The following KCNH1 variants were observed in gnomAD, a reference collection of about 807,000 sequenced individuals.
KCNH1 encodes voltage-gated delayed rectifier potassium channel KCNH1.
KCNH1 carries 27 observed loss-of-function variants against 69.2 expected under a neutral mutation model. That is an observed-to-expected ratio of 0.39 (90% CI 0.29 to 0.54). The LOEUF is 0.54. KCNH1 is among the 20% of genes least tolerant of loss of function. The probability of loss-of-function intolerance (pLI) is 0.68; values close to 1 mark genes in which losing one functional copy is unlikely to be tolerated. For missense variants in KCNH1, 798 were observed against 1,261.6 expected (o/e 0.63, Z 5.57); for synonymous variants, 456 against 487.7 (o/e 0.93, Z 0.86).
intron 9 of KCNH1, among the ~76,000 whole-genome samples, chr1:210,780,061 G>A (rs1683946971): frequency 6.6e-6 from 1 of 152,216 alleles, no homozygotes. Flanking sequence ...CTGAAGGTGG[G>A]TGGGTAGGGT....
intron 5 of KCNH1, among the ~76,000 whole-genome samples, 190 bp from the exon 6 acceptor site, chr1:211,019,446 T>C (rs1462195594): frequency 6.6e-6 from 1 of 152,202 alleles, no homozygotes; most frequent in Admixed American, 6.5e-5. Context: ...AAGAAACAAT[T>C]ACAAATTACT....
At chr1:210,937,224 C>T (rs1687789796) in intron 6 of KCNH1, among the ~76,000 whole-genome samples, 1 of 152,212 alleles carries the variant, frequency 6.6e-6, no homozygotes, top group Non-Finnish European at 1.5e-5. Context: ...AATCTACCTT[C>T]CCAAGGGTTA....
intron 6 of KCNH1, among the ~76,000 whole-genome samples, chr1:211,013,592 C>G (rs1187808733): frequency 2.0e-5 from 3 of 152,196 alleles, no homozygotes; most frequent in African/African-American, 7.2e-5. Context: ...AAGCACAAGC[C>G]CAGGAGTCAG....
intron 5 of KCNH1, among the ~76,000 whole-genome samples, chr1:211,031,547 C>T (rs55747858): frequency 0.019 from 2,882 of 152,194 alleles, 91 homozygotes; most frequent in African/African-American, 0.066. Flanking sequence ...TATCCATGAT[C>T]ATGATCATGA....
chr1:210,940,220 G>A (rs903111285), intron 6 of KCNH1, among the ~76,000 whole-genome samples: 3 of 152,112 alleles, frequency 2.0e-5, no homozygotes, highest in African/African-American at 4.8e-5. Flanking sequence ...GAAAACCTAG[G>A]ACAGGAAGAC....
At chr1:210,708,383 TG>T (rs1024009685) in intron 10 of KCNH1, among the ~76,000 whole-genome samples, 3 of 152,094 alleles carry the variant, frequency 2.0e-5, no homozygotes, top group African/African-American at 4.8e-5. Context: ...GAACATAGCA[TG>T]ATCTCTATTC....
At chr1:210,921,135 T>C (rs1574339674) in intron 6 of KCNH1, among the ~76,000 whole-genome samples, 1 of 152,182 alleles carries the variant, frequency 6.6e-6, no homozygotes, top group African/African-American at 2.4e-5. Flanking sequence ...CTAAGTCTTC[T>C]CCATACACTA....
At chr1:210,773,576 G>A (rs769385265) in intron 10 of KCNH1, among the ~76,000 whole-genome samples, 3 of 152,166 alleles carry the variant, frequency 2.0e-5, no homozygotes, top group Non-Finnish European at 4.4e-5. Context: ...AAGACAAAGG[G>A]TTGTTTCCTT....
chr1:210,793,871 C>T (rs1777243), intron 9 of KCNH1, among the ~76,000 whole-genome samples: 26,667 of 152,160 alleles, frequency 0.18, 2,428 homozygotes, highest in Non-Finnish European at 0.2. Context: ...CTTTCTATGG[C>T]AATGCGAATC....
intron 6 of KCNH1, among the ~76,000 whole-genome samples, chr1:210,974,315 G>C (rs1688562173): frequency 6.6e-6 from 1 of 151,892 alleles, no homozygotes; most frequent in Admixed American, 6.6e-5. Flanking sequence ...TATTAATACA[G>C]TATATTACAG....
Position 210,936,510 on chromosome 1 carries a change from C to T in KCNH1, c.1033-16441G>A, listed in dbSNP as rs529324678. Among the ~76,000 whole-genome samples the T allele has an allele frequency of 8.9e-4, 135 of 152,366 alleles. 1 individual carries two copies. Among genetic ancestry groups the T allele is most frequent in the Non-Finnish European group, 1.6e-3 (112 of 68,040 alleles). The stretch of plus-strand genomic sequence containing the variant: ...GGCACTCAAAACCCAAAATTCTCCT[C>T]TCCCTTAACATTCATGCCATTGAGC... On this transcript the variant is annotated intron_variant, in intron 6 of 10. Transcript: ENST00000271751.
At chr1:210,986,970 G>C (rs2102384921) in intron 6 of KCNH1, among the ~76,000 whole-genome samples, 1 of 152,286 alleles carries the variant, frequency 6.6e-6, no homozygotes, top group Non-Finnish European at 1.5e-5. Context: ...TTTCTTGGAG[G>C]CTTTGTTCAT....
chr1:210,968,625 T>C (rs959674932), intron 6 of KCNH1, among the ~76,000 whole-genome samples: 10 of 151,800 alleles, frequency 6.6e-5, no homozygotes, highest in Non-Finnish European at 1.2e-4. Flanking sequence ...CCAGTGATGA[T>C]GAGCATTTTT....
intron 10 of KCNH1, among the ~76,000 whole-genome samples, chr1:210,757,377 A>C (rs1683421243): frequency 2.0e-5 from 3 of 152,238 alleles, no homozygotes; most frequent in African/African-American, 7.2e-5. Flanking sequence ...GTAAATTCCT[A>C]CCCCTCTATC....
Position 210,765,081 on chromosome 1 carries a change from T to C in KCNH1, c.2112+10267A>G, listed in dbSNP as rs551988690. Among the ~76,000 whole-genome samples the C allele has an allele frequency of 3.9e-5, 6 of 152,310 alleles. No homozygotes were observed. The South Asian group carries it at 1.0e-3, about 26-fold the overall frequency. On this transcript the variant is annotated intron_variant, in intron 10 of 10. Transcript: ENST00000271751. Reference sequence around the variant, plus strand: ...CAACATAAATGCAGCTGAAGGCCATTATCCTAAGTGAACTAATGCACAAAC... The same window carrying C: ...CAACATAAATGCAGCTGAAGGCCATCATCCTAAGTGAACTAATGCACAAAC...
Position 211,112,894 on chromosome 1 carries a change from C to A in KCNH1, c.80-5517G>T, listed in dbSNP as rs1668777210. Among the ~76,000 whole-genome samples the A allele has an allele frequency of 2.0e-5, 3 of 152,170 alleles. No individual in the cohort carries two copies. The South Asian group carries it at 6.2e-4, about 31-fold the overall frequency. Reference sequence around the variant, plus strand: ...CTATTTTAAACCACAAATAATCGACCTGTAAATTACCTTCCAGAACACAAT... The same window carrying A: ...CTATTTTAAACCACAAATAATCGACATGTAAATTACCTTCCAGAACACAAT... On this transcript the variant is annotated intron_variant, in intron 1 of 10. Transcript: ENST00000271751.
intron 7 of KCNH1, among the ~76,000 whole-genome samples, chr1:210,907,519 G>A (rs1382711028): frequency 6.9e-6 from 1 of 145,240 alleles, no homozygotes; most frequent in Non-Finnish European, 1.5e-5. Flanking sequence ...CTAGGAAAAA[G>A]GACTGGGAAG....
At chr1:210,702,889 C>T (rs1268313505) in intron 10 of KCNH1, among the ~76,000 whole-genome samples, 1 of 151,210 alleles carries the variant, frequency 6.6e-6, no homozygotes, top group Admixed American at 6.6e-5. Flanking sequence ...TTCCGTCTTT[C>T]AAAATTACTT....
At chr1:210,746,853 A>G (rs2149040226) in intron 10 of KCNH1, among the ~76,000 whole-genome samples, 1 of 152,152 alleles carries the variant, frequency 6.6e-6, no homozygotes, top group South Asian at 2.1e-4. Flanking sequence ...GGCTATTACA[A>G]CCTTTTCTTA....
Sources: gnomAD v4.1 joint callset for allele counts (sites outside exome capture counted in the v4.1 genomes callset) on GRCh38, gnomAD v4.1.1 for gene constraint, MANE v1.5 for transcripts, NCBI Gene and HGNC (gene_info 2026-07-23, HGNC 2026-07-21) for gene names.